SCFD2: variants seen among roughly 807,000 people sequenced by gnomAD.
The protein encoded by SCFD2 is sec1 family domain-containing protein 2.
Under a neutral mutation model 58.9 loss-of-function variants are expected in SCFD2, and 54 were observed. The observed-to-expected ratio is 0.92, with a 90% CI of 0.74 to 1.15. The LOEUF (loss-of-function observed/expected upper bound fraction) is 1.15. Ranked by LOEUF, SCFD2 falls within the 50% of genes most tolerant of loss-of-function variation. The probability of loss-of-function intolerance (pLI) is 0.00; values close to 1 mark genes in which losing one functional copy is unlikely to be tolerated. For synonymous variants in SCFD2, 321 were observed against 335.9 expected (o/e 0.96, Z 0.49); for missense variants, 805 against 836.6 (o/e 0.96, Z 0.47).
chr4:52,941,423 T>C (rs1720289939), intron 5 of SCFD2, among the ~76,000 whole-genome samples: 1 of 152,240 alleles, frequency 6.6e-6, no homozygotes, highest in Admixed American at 6.5e-5. Flanking sequence ...TGGGTCTTTC[T>C]ATATAACAGA....
At chr4:53,180,456 G>C (rs1439340285) in intron 4 of SCFD2, among the ~76,000 whole-genome samples, 19 of 151,992 alleles carry the variant, frequency 1.3e-4, no homozygotes, top group East Asian at 3.9e-4. Flanking sequence ...AAACCAACGA[G>C]AACAAAGACA....
chr4:53,079,290 A>C (rs886295061), intron 5 of SCFD2, among the ~76,000 whole-genome samples: 1 of 152,152 alleles, frequency 6.6e-6, no homozygotes, highest in Admixed American at 6.6e-5. Flanking sequence ...ATTCTGTTCT[A>C]CTCAGGCCCT....
chr4:53,182,358 A>C (rs1315005824), intron 4 of SCFD2, among the ~76,000 whole-genome samples: 1 of 152,192 alleles, frequency 6.6e-6, no homozygotes, highest in Non-Finnish European at 1.5e-5. Flanking sequence ...ACATATCTAC[A>C]ACTATCTGAT....
chr4:52,952,287 C>G (rs1007833214), intron 5 of SCFD2, among the ~76,000 whole-genome samples: 1 of 148,778 alleles, frequency 6.7e-6, no homozygotes, highest in Non-Finnish European at 1.5e-5. Context: ...ACCCCCATCC[C>G]CTCTCACACC....
At chr4:52,874,156 G>A (rs546841458) in intron 8 of SCFD2, 95 bp from the exon 9 acceptor site, 5 of 860,556 alleles carry the variant, frequency 5.8e-6, no homozygotes, top group Admixed American at 1.9e-5. Flanking sequence ...AAATGTCTTT[G>A]GGGGAGGGCA....
chr4:52,982,254 C>T (rs1385203187), intron 5 of SCFD2, among the ~76,000 whole-genome samples: 1 of 152,116 alleles, frequency 6.6e-6, no homozygotes, highest in Non-Finnish European at 1.5e-5. Flanking sequence ...CTCTCCATCA[C>T]CCGAGTAGAG....
rs752492221 is a variant in SCFD2 at position 53,365,063 on chromosome 4, GT to G, written c.838+40del. The stretch of plus-strand genomic sequence containing the variant: ...CTGAATCAATGAAAGTCCCAGCAAT[GT>G]GGGGAATGGTAATGAAGAACTCCAG... On this transcript the variant is annotated intron_variant, in intron 1 of 8. Coordinates refer to ENST00000401642, the MANE Select transcript of SCFD2 (RefSeq NM_152540.4). This position sits in a 1 kb window ranked among gnomAD's most constrained non-coding sequence, Gnocchi z 4.3. 6.3e-7 allele frequency: 1 copy of G among 1,576,214 alleles called. No individual in the cohort carries two copies. Among genetic ancestry groups the G allele is most frequent in the Non-Finnish European group, 8.6e-7 (1 of 1,163,674 alleles).
chr4:53,241,871 A>T (rs955660016), intron 4 of SCFD2, among the ~76,000 whole-genome samples: 28 of 152,264 alleles, frequency 1.8e-4, no homozygotes, highest in African/African-American at 6.7e-4. Context: ...TTGAAAAGAG[A>T]CATGGAAAAC....
intron 4 of SCFD2, 151 bp from the exon 5 acceptor site, chr4:53,145,733 G>T: frequency 1.3e-6 from 1 of 747,666 alleles, no homozygotes; most frequent in Non-Finnish European, 2.0e-6. Flanking sequence ...GTCCTGGAGA[G>T]AATACTACAA....
chr4:52,918,796 C>T (rs1265161515), intron 6 of SCFD2, among the ~76,000 whole-genome samples: 1 of 152,210 alleles, frequency 6.6e-6, no homozygotes, highest in Non-Finnish European at 1.5e-5. Flanking sequence ...TTGAGCTCCC[C>T]AAGAAGCGGA....
chr4:53,352,030 G>A (rs559204008), intron 2 of SCFD2, among the ~76,000 whole-genome samples: 2 of 152,036 alleles, frequency 1.3e-5, no homozygotes, highest in Non-Finnish European at 2.9e-5. Context: ...ACAAAGTTGA[G>A]AAAGTGACTA....
intron 2 of SCFD2, among the ~76,000 whole-genome samples, chr4:53,316,553 A>G (rs541168873): frequency 6.6e-6 from 1 of 152,294 alleles, no homozygotes; most frequent in Admixed American, 6.5e-5. Flanking sequence ...TACTGTTGTT[A>G]TAAGTGGTAT....
At chr4:52,921,851 A>C (rs1220249550) in intron 5 of SCFD2, among the ~76,000 whole-genome samples, 1 of 152,120 alleles carries the variant, frequency 6.6e-6, no homozygotes, top group East Asian at 1.9e-4. Flanking sequence ...CTGATGTAGA[A>C]GCATGTTTGG....
chr4:53,239,660 T>A (rs1729828520), intron 4 of SCFD2, among the ~76,000 whole-genome samples: 1 of 152,052 alleles, frequency 6.6e-6, no homozygotes, highest in Non-Finnish European at 1.5e-5. Context: ...AATTTTGTAT[T>A]TTTTAGTAGA....
chr4:53,249,708 C>G (rs555797837), intron 4 of SCFD2, among the ~76,000 whole-genome samples: 36 of 152,132 alleles, frequency 2.4e-4, no homozygotes, highest in Non-Finnish European at 4.4e-4. Flanking sequence ...CCAAACTAAC[C>G]TTCATAAGAG....
intron 4 of SCFD2, among the ~76,000 whole-genome samples, chr4:53,201,552 G>A (rs1180221015): frequency 1.3e-5 from 2 of 152,114 alleles, no homozygotes; most frequent in East Asian, 3.9e-4. Flanking sequence ...TAATGGGATG[G>A]CTGGGTCAAA....
intron 5 of SCFD2, among the ~76,000 whole-genome samples, chr4:52,976,570 TG>T (rs1275156537): frequency 1.3e-5 from 2 of 152,132 alleles, no homozygotes; most frequent in African/African-American, 4.8e-5. Flanking sequence ...CTAGGCTGGA[TG>T]AACTATAGCC....
chr4:53,148,495 A>G (rs919589185), intron 4 of SCFD2, among the ~76,000 whole-genome samples: 6 of 152,166 alleles, frequency 3.9e-5, no homozygotes, highest in African/African-American at 1.4e-4. Flanking sequence ...TATTTCAAAA[A>G]AGCTAGATTC....
rs571704654 is a variant in SCFD2 at position 53,021,014 on chromosome 4, G to A, written c.1562-100144C>T. On this transcript the variant is annotated intron_variant, in intron 5 of 8. Coordinates refer to ENST00000401642, the MANE Select transcript of SCFD2 (RefSeq NM_152540.4). ...ACCCTAAACTGTGCAAGCCATCATC[G>A]AAGTGGTAGATATTTTAAAAGTGTT... Among the ~76,000 whole-genome samples, 5 of 152,266 alleles carry A rather than the reference G, an allele frequency of 3.3e-5. No individual in the cohort carries two copies. The South Asian group carries it at 6.2e-4, about 19-fold the overall frequency.
Sources: gnomAD v4.1 joint callset for allele counts (sites outside exome capture counted in the v4.1 genomes callset) on GRCh38, gnomAD v4.1.1 for gene constraint, Gnocchi (gnomAD v3.1) non-coding constraint, MANE v1.5 for transcripts, NCBI Gene and HGNC (gene_info 2026-07-23, HGNC 2026-07-21) for gene names.